The following FOXP1 variants were observed in gnomAD, a reference collection of about 807,000 sequenced individuals.
The protein encoded by FOXP1 is forkhead box protein P1.
FOXP1 carries 15 observed loss-of-function variants against 98.2 expected under a neutral mutation model. The ratio of observed to expected loss-of-function variants is 0.15; its 90% CI spans 0.10 to 0.24. FOXP1 has a LOEUF of 0.24. Among genes scored for constraint, FOXP1 ranks in the 10% least tolerant of loss-of-function variants. FOXP1 has a pLI of 1.00. For synonymous variants in FOXP1, 371 were observed against 314.5 expected, an observed-to-expected ratio of 1.18 and a Z score of -1.90; for missense variants, 633 against 848.5, an observed-to-expected ratio of 0.75 and a Z score of 3.15.
intron 2 of FOXP1, among the ~76,000 whole-genome samples, chr3:71,555,834 C>T (rs1462576126): frequency 1.3e-5 from 2 of 151,618 alleles, no homozygotes; most frequent in African/African-American, 4.8e-5. Context: ...TTTTAATAAT[C>T]AAATCAAACT....
At chr3:71,324,377 C>A (rs1001585406) in intron 4 of FOXP1, among the ~76,000 whole-genome samples, 1 of 152,120 alleles carries the variant, frequency 6.6e-6, no homozygotes, top group African/African-American at 2.4e-5. Flanking sequence ...AAATGCCCAT[C>A]AATGATAGAC....
intron 7 of FOXP1, among the ~76,000 whole-genome samples, chr3:71,083,348 G>A (rs967136673): frequency 2.6e-5 from 4 of 152,170 alleles, no homozygotes; most frequent in Non-Finnish European, 4.4e-5. Flanking sequence ...CGGAAGCTCA[G>A]CAGATGCTGG....
intron 2 of FOXP1, among the ~76,000 whole-genome samples, chr3:71,565,936 A>C (rs547680911): frequency 6.6e-6 from 1 of 152,324 alleles, no homozygotes; most frequent in South Asian, 2.1e-4. Context: ...GAGGTGAACA[A>C]ATGAGATATA....
intron 2 of FOXP1, chr3:71,581,110 C>G (rs2048126633): frequency 2.1e-6 from 2 of 972,210 alleles, no homozygotes; most frequent in Non-Finnish European, 2.4e-6. Context: ...CATTTTGGGT[C>G]TTCTGGTAGA....
chr3:71,060,653 G>C (rs887278899), intron 7 of FOXP1, among the ~76,000 whole-genome samples: 5 of 152,112 alleles, frequency 3.3e-5, no homozygotes, highest in Non-Finnish European at 7.4e-5. Context: ...GTGTCATCTT[G>C]TTTTGTCAAG....
intron 7 of FOXP1, among the ~76,000 whole-genome samples, chr3:71,099,895 G>C (rs1357942700): frequency 6.6e-6 from 1 of 152,194 alleles, no homozygotes; most frequent in East Asian, 1.9e-4. Context: ...TTTCAGAGCT[G>C]ATCAAGAAGA....
At chr3:71,559,109 C>G (rs2046360361) in intron 2 of FOXP1, among the ~76,000 whole-genome samples, 1 of 152,232 alleles carries the variant, frequency 6.6e-6, no homozygotes, top group South Asian at 2.1e-4. Flanking sequence ...GACCAGCCAG[C>G]TTCTCTCTTC....
chr3:71,339,899 A>G (rs2076915470), intron 4 of FOXP1, among the ~76,000 whole-genome samples: 1 of 152,244 alleles, frequency 6.6e-6, no homozygotes, highest in Non-Finnish European at 1.5e-5. Context: ...TGGCTTTAAC[A>G]TACATGTAAA....
chr3:71,182,329 T>C (rs1020849739), intron 6 of FOXP1, among the ~76,000 whole-genome samples: 7 of 152,156 alleles, frequency 4.6e-5, no homozygotes, highest in Non-Finnish European at 8.8e-5. Context: ...TAAATCTTGT[T>C]CAAGGTGCAG....
At chr3:71,346,886 T>G (rs1318990397) in intron 4 of FOXP1, among the ~76,000 whole-genome samples, 1 of 151,882 alleles carries the variant, frequency 6.6e-6, no homozygotes, top group Non-Finnish European at 1.5e-5. Flanking sequence ...CTACTAAAAT[T>G]ACAAAAATTA....
At chr3:71,388,482 C>T (rs1426562754) in intron 3 of FOXP1, among the ~76,000 whole-genome samples, 2 of 149,746 alleles carry the variant, frequency 1.3e-5, no homozygotes, top group Admixed American at 6.6e-5. Flanking sequence ...CATCAGAAAA[C>T]ATAAGAATTC....
chr3:71,317,481 A>G (rs1368987068), intron 4 of FOXP1, among the ~76,000 whole-genome samples: 2 of 152,234 alleles, frequency 1.3e-5, no homozygotes, highest in Non-Finnish European at 2.9e-5. Flanking sequence ...ACTGGAAAAA[A>G]AAAAGGTCTG....
intron 2 of FOXP1, among the ~76,000 whole-genome samples, chr3:71,564,671 CTT>C (rs1251272410): frequency 6.6e-6 from 1 of 152,206 alleles, no homozygotes; most frequent in African/African-American, 2.4e-5. Context: ...TAGCAACACT[CTT>C]TATCCCTGGA....
Position 71,457,598 on chromosome 3 carries a change from C to T in FOXP1, c.-168+35828G>A, listed in dbSNP as rs573158390. On this transcript the variant is annotated intron_variant, in intron 3 of 20. Transcript: ENST00000649528. Reference sequence around the variant, plus strand: ...AAAGCATTAATTATGAATTACAGTGCTTTTGCAGATTCGCATTTAGTGCAA... The same window carrying T: ...AAAGCATTAATTATGAATTACAGTGTTTTTGCAGATTCGCATTTAGTGCAA... Among the ~76,000 whole-genome samples the T allele has an allele frequency of 2.6e-5, 4 of 152,274 alleles. 1 individual carries two copies. Among genetic ancestry groups the T allele is most frequent in the African/African-American group, 9.6e-5 (4 of 41,554 alleles).
At chr3:71,124,351 A>T (rs1409825107) in intron 6 of FOXP1, among the ~76,000 whole-genome samples, 1 of 151,308 alleles carries the variant, frequency 6.6e-6, no homozygotes, top group Non-Finnish European at 1.5e-5. Flanking sequence ...CTCTCTGGAG[A>T]GAAAAAAATA....
chr3:71,370,855 G>A (rs377189251), intron 3 of FOXP1, among the ~76,000 whole-genome samples: 10 of 141,286 alleles, frequency 7.1e-5, no homozygotes, highest in African/African-American at 2.6e-4. Flanking sequence ...AGGATGGAAT[G>A]CAGTGGCATG....
intron 2 of FOXP1, among the ~76,000 whole-genome samples, chr3:71,516,518 C>A (rs1189297177): frequency 6.6e-6 from 1 of 152,084 alleles, no homozygotes; most frequent in Non-Finnish European, 1.5e-5. Flanking sequence ...TGGTTATTTT[C>A]TAGAAAATGA....
chr3:70,979,392 A>C (rs972395616), intron 14 of FOXP1, among the ~76,000 whole-genome samples: 3 of 151,630 alleles, frequency 2.0e-5, no homozygotes, highest in African/African-American at 7.3e-5. Context: ...TGTTCTTACA[A>C]ATACTAAAAG....
intron 3 of FOXP1, among the ~76,000 whole-genome samples, chr3:71,367,000 C>T (rs2078971146): frequency 6.6e-6 from 1 of 152,168 alleles, no homozygotes; most frequent in Non-Finnish European, 1.5e-5. Flanking sequence ...TCCATGATGG[C>T]ACACAATAAT....
Sources: gnomAD v4.1 joint callset for allele counts (sites outside exome capture counted in the v4.1 genomes callset) on GRCh38, gnomAD v4.1.1 for gene constraint, MANE v1.5 for transcripts, NCBI Gene and HGNC (gene_info 2026-07-23, HGNC 2026-07-21) for gene names.